PIK3CB: variants seen among roughly 807,000 people sequenced by gnomAD.
PIK3CB encodes phosphatidylinositol-4,5-bisphosphate 3-kinase catalytic subunit beta, also known as phosphatidylinositol 4,5-bisphosphate 3-kinase catalytic subunit beta isoform.
PIK3CB carries 39 observed loss-of-function variants against 136.8 expected under a neutral mutation model. The observed-to-expected ratio is 0.29, with a 90% confidence interval of 0.22 to 0.37. The LOEUF is 0.37. Ranked by LOEUF, PIK3CB falls within the 10% of genes least tolerant of loss-of-function variation. The pLI is 1.00. For synonymous variants in PIK3CB, 428 were observed against 436.6 expected (o/e 0.98, Z 0.25); for missense variants, 868 against 1,275.4 (o/e 0.68, Z 4.87).
At chr3:138,743,294 T>A (rs2045281153) in intron 4 of PIK3CB, among the ~76,000 whole-genome samples, 1 of 152,184 alleles carries the variant, frequency 6.6e-6, no homozygotes, top group African/African-American at 2.4e-5. Context: ...AATCTCTGTA[T>A]CTTCCTCTCA....
intron 2 of PIK3CB, among the ~76,000 whole-genome samples, chr3:138,771,600 C>T (rs113990673): frequency 3.3e-5 from 5 of 152,232 alleles, no homozygotes; most frequent in African/African-American, 1.2e-4. Context: ...AGTAATTCCA[C>T]AAATTATTAA....
At position 138,714,719 on chromosome 3, in the gene PIK3CB, C is replaced by T; in HGVS notation, c.1051G>A (p.Val351Ile). Reference sequence around the variant, plus strand: ...TGAAAAAGACCAGCCCTGACATGAACCTGTAACGAAGCAGACAAAAACAAA... The same window carrying T: ...TGAAAAAGACCAGCCCTGACATGAATCTGTAACGAAGCAGACAAAAACAAA... ...NKLNTEETVK[V>I]HVRAGLFHGT... The change falls in exon 9 of 24, where the codon GTT becomes ATT. Residue 351 changes from valine to isoleucine, a missense_variant and splice_region_variant. Transcript: ENST00000674063. 6.3e-7 allele frequency: 1 copy of T among 1,592,566 alleles called. No individual in the cohort carries two copies. Among genetic ancestry groups the T allele is most frequent in the South Asian group, 1.2e-5 (1 of 86,830 alleles).
chr3:138,806,736 T>C (rs1003693447), intron 1 of PIK3CB, among the ~76,000 whole-genome samples: 1 of 152,132 alleles, frequency 6.6e-6, no homozygotes, highest in Admixed American at 6.5e-5. Flanking sequence ...AGGAGGATAG[T>C]GAGAAAATAG....
intron 1 of PIK3CB, among the ~76,000 whole-genome samples, chr3:138,810,367 G>A (rs1194995846): frequency 6.6e-6 from 1 of 152,082 alleles, no homozygotes; most frequent in Non-Finnish European, 1.5e-5. Context: ...GAGGGAAAGA[G>A]TAACTTTATA....
chr3:138,707,467 AGT>A (rs1170991337), intron 10 of PIK3CB, 178 bp from the exon 11 acceptor site: 1 of 1,353,014 alleles, frequency 7.4e-7, no homozygotes, highest in Non-Finnish European at 9.4e-7. Context: ...ACAAAATTTC[AGT>A]GTGAGTTTGC....
chr3:138,778,131 T>C, intron 2 of PIK3CB: 1 of 411,868 alleles, frequency 2.4e-6, no homozygotes, highest in South Asian at 1.7e-5. Context: ...GCATCTTCAC[T>C]ACCTTGTAGA....
At chr3:138,658,345 G>T (rs931520029) in intron 21 of PIK3CB, among the ~76,000 whole-genome samples, 1 of 152,064 alleles carries the variant, frequency 6.6e-6, no homozygotes, top group African/African-American at 2.4e-5. Context: ...AGCTACTCAG[G>T]GGGGTGAGGT....
chr3:138,781,878 T>C (rs1472363988), intron 2 of PIK3CB, among the ~76,000 whole-genome samples: 2 of 152,162 alleles, frequency 1.3e-5, no homozygotes, highest in African/African-American at 4.8e-5. Context: ...GCCACGTTAA[T>C]GCCACTGTAC....
chr3:138,757,482 C>T (rs200932777), intron 3 of PIK3CB, among the ~76,000 whole-genome samples: 1 of 58,284 alleles, frequency 1.7e-5, no homozygotes, highest in Non-Finnish European at 4.5e-5. Context: ...CTATTAAACA[C>T]ACACACACAC....
At chr3:138,753,173 C>T (rs1360483122) in intron 4 of PIK3CB, among the ~76,000 whole-genome samples, 1 of 152,174 alleles carries the variant, frequency 6.6e-6, no homozygotes, top group African/African-American at 2.4e-5. Flanking sequence ...CTGGTGGTTG[C>T]ACCACTGCAT....
At chr3:138,707,380 C>T (rs1439668223) in intron 10 of PIK3CB, 91 bp from the exon 11 acceptor site, 3 of 1,455,720 alleles carry the variant, frequency 2.1e-6, no homozygotes, top group African/African-American at 1.4e-5. Flanking sequence ...ATGAAAATCA[C>T]CTTAGAAGTA....
In PIK3CB at chr3:138,737,813, A is replaced by G; in HGVS notation, c.695T>C (p.Leu232Ser). 6.2e-7 allele frequency: 1 copy of G among 1,609,640 alleles called. No individual in the cohort carries two copies. Among genetic ancestry groups the G allele is most frequent in the Non-Finnish European group, 8.5e-7 (1 of 1,177,402 alleles). The change falls in exon 6 of 24, where the codon TTG becomes TCG. Residue 232 changes from leucine (L) to serine (S), a missense_variant. This residue lies in a region of PIK3CB where 612 missense variants were observed against 801.1 expected (regional missense o/e 0.76). Transcript: ENST00000674063. ...KVNELAIQKR[L>S]TIHGKEDEVS... ...TTCATCTTCCTTCCCATGAATAGTC[A>G]AACGTTTTTGGATTGCCAATTCATT... is the stretch of plus-strand genomic sequence containing the variant.
intron 1 of PIK3CB, among the ~76,000 whole-genome samples, chr3:138,812,299 C>T (rs1287080870): frequency 1.3e-5 from 2 of 149,154 alleles, no homozygotes; most frequent in African/African-American, 2.5e-5. Context: ...GCAAATGGTG[C>T]GATCTTGGCT....
intron 8 of PIK3CB, among the ~76,000 whole-genome samples, chr3:138,719,476 G>A (rs1410352359): frequency 6.6e-6 from 1 of 151,896 alleles, no homozygotes; most frequent in African/African-American, 2.4e-5. Flanking sequence ...AAACTCCTGA[G>A]CTCAAGTGAT....
chr3:138,797,827 T>A (rs940507747), intron 1 of PIK3CB, among the ~76,000 whole-genome samples: 1 of 152,078 alleles, frequency 6.6e-6, no homozygotes, highest in Non-Finnish European at 1.5e-5. Flanking sequence ...TGGAGACATG[T>A]GCCTGTGATC....
chr3:138,822,829 T>C (rs1454702453), intron 1 of PIK3CB, among the ~76,000 whole-genome samples: 12 of 145,972 alleles, frequency 8.2e-5, no homozygotes, highest in Non-Finnish European at 1.5e-5. Flanking sequence ...ATGAAATATA[T>C]ATACAAAATA....
rs143542361 is a variant in PIK3CB, at chr3:138,736,663, T to C, written c.801+1044A>G. On this transcript the variant is annotated intron_variant, in intron 6 of 23. Coordinates refer to ENST00000674063, the MANE Select transcript of PIK3CB (RefSeq NM_006219.3). ...GGGTGCTGCACTGCACATAGCATAT[T>C]TAAACTCCACTTTACTCCAAAAATA... Among the ~76,000 whole-genome samples, 391 of 152,336 alleles carry C rather than the reference T, an allele frequency of 2.6e-3. 1 individual carries two copies. The highest frequency in any genetic ancestry group is 9.0e-3 in the African/African-American group (375 of 41,578).
chr3:138,792,986 T>C (rs970547274), intron 2 of PIK3CB, among the ~76,000 whole-genome samples: 3 of 152,076 alleles, frequency 2.0e-5, no homozygotes, highest in African/African-American at 7.2e-5. Context: ...AATGTAGGGA[T>C]TGAGGTTATC....
intron 21 of PIK3CB, among the ~76,000 whole-genome samples, chr3:138,658,363 T>A (rs1322931896): frequency 6.6e-6 from 1 of 152,026 alleles, no homozygotes; most frequent in Non-Finnish European, 1.5e-5. Flanking sequence ...GGTGGGGGAA[T>A]TGCTTGAGCC....
Sources: allele counts gnomAD v4.1 joint callset (sites outside exome capture counted in the v4.1 genomes callset), GRCh38; gene constraint gnomAD v4.1.1; regional missense constraint gnomAD v4.1.1; transcripts MANE v1.5; gene names NCBI Gene and HGNC (gene_info 2026-07-23, HGNC 2026-07-21).